The following PSMC4 variants were observed in gnomAD, a reference collection of about 807,000 sequenced individuals.
The protein encoded by PSMC4 is proteasome 26S subunit, ATPase 4.
PSMC4 carries 13 observed loss-of-function variants against 48.4 expected under a neutral mutation model. That is an observed-to-expected ratio of 0.27 (90% CI 0.18 to 0.43). The LOEUF (loss-of-function observed/expected upper bound fraction) is 0.43. Ranked by LOEUF, PSMC4 falls within the 20% of genes least tolerant of loss-of-function variation. The probability of loss-of-function intolerance (pLI) is 1.00; values close to 1 mark genes in which losing one functional copy is unlikely to be tolerated. For missense variants in PSMC4, 262 were observed against 555.9 expected (o/e 0.47, Z 5.32); for synonymous variants, 202 against 212.3 (o/e 0.95, Z 0.42).
In PSMC4 at chr19:39,980,752, GGT is replaced by G; in HGVS notation, c.1143+41_1143+42del. On this transcript the variant is annotated intron_variant, in intron 10 of 10. Coordinates refer to ENST00000157812, the MANE Select transcript of PSMC4 (RefSeq NM_006503.4). The surrounding 1 kb of genome is among the most constrained non-coding windows in gnomAD (Gnocchi z 4.8). ...GGTTTCTCTCTGGATCCAGGCAGCG[GGT>G]GTGTGAGGACCCTTCTTCTCTGAAC... 1 of 1,600,852 alleles carries G rather than the reference GGT, an allele frequency of 6.2e-7. No homozygotes were observed. The highest frequency in any genetic ancestry group is 8.6e-7 in the Non-Finnish European group (1 of 1,168,098).
At position 39,980,601 on chromosome 19, in the gene PSMC4, G is replaced by A; in HGVS notation, c.1088-61G>A. On this transcript the variant is annotated intron_variant, in intron 9 of 10. Transcript: ENST00000157812. This position sits in a 1 kb window ranked among gnomAD's most constrained non-coding sequence, Gnocchi z 4.8. ...GGAGGTGACAGAGATGGCCAAAGAT[G>A]ACTTCCAGCCCCAGGCATTTACCCC... 1 of 1,599,850 alleles carries A rather than the reference G, an allele frequency of 6.3e-7. No homozygotes were observed. Among genetic ancestry groups the A allele is most frequent in the South Asian group, 1.1e-5 (1 of 90,756 alleles).
At position 39,980,585 on chromosome 19, in the gene PSMC4, A is replaced by C. The variant is rs1971273194; in HGVS notation, c.1088-77A>C. ...AGGTCCAGGGAGGAGGGGAGGTGAC[A>C]GAGATGGCCAAAGATGACTTCCAGC... On this transcript the variant is annotated intron_variant, in intron 9 of 10. Transcript: ENST00000157812. The surrounding 1 kb of genome is among the most constrained non-coding windows in gnomAD (Gnocchi z 4.8). The C allele has an allele frequency of 1.6e-5, 26 of 1,588,844 alleles. No individual in the cohort carries two copies. In the South Asian group the frequency reaches 2.5e-4, roughly 16 times the overall value.
At chr19:39,972,606 C>T (rs1362027908) in intron 3 of PSMC4, 51 bp downstream of exon 3, 1 of 1,522,882 alleles carries the variant, frequency 6.6e-7, no homozygotes, top group East Asian at 2.3e-5. Flanking sequence ...CAACTATTTC[C>T]TACCATGTGC....
chr19:39,974,173 CGA>C lies in PSMC4; in HGVS notation c.323-117_323-116del. Reference sequence around the variant, plus strand: ...GACAGCAGGAGGGAAGGCTGGAGGCCGAGAGGGGACCCCTCAGGGTCTGAACC... The same window carrying C: ...GACAGCAGGAGGGAAGGCTGGAGGCCGAGGGGACCCCTCAGGGTCTGAACC... On this transcript the variant is annotated intron_variant, in intron 3 of 10. Coordinates refer to ENST00000157812, the MANE Select transcript of PSMC4 (RefSeq NM_006503.4). The surrounding 1 kb of genome is among the most constrained non-coding windows in gnomAD (Gnocchi z 5.5). 1 of 1,288,294 alleles carries C rather than the reference CGA, an allele frequency of 7.8e-7. No individual in the cohort carries two copies. The highest frequency in any genetic ancestry group is 1.5e-5 in the African/African-American group (1 of 67,502). The allele number at this position is 1,288,294 out of a possible 1,614,324, so 79.8% of individuals were successfully genotyped here.
chr19:39,971,274 G>A (rs1420405326), intron 1 of PSMC4, 36 bp downstream of exon 1: 1 of 1,613,826 alleles, frequency 6.2e-7, no homozygotes, highest in Non-Finnish European at 8.5e-7. Flanking sequence ...GTCCGGGCCG[G>A]GCTCGCGGGG....
intron 10 of PSMC4, 68 bp from the exon 11 acceptor site, chr19:39,981,124 C>T (rs1032669368): frequency 4.1e-6 from 5 of 1,215,112 alleles, no homozygotes; most frequent in East Asian, 2.3e-5. Flanking sequence ...CCCAAAGTGT[C>T]GGGATTACAG....
In PSMC4 at chr19:39,980,794, CCT is replaced by C. The variant is rs537338646; in HGVS notation, c.1143+78_1143+79del. ...CTTCTCTGAACCACTCTGCTGCAGT[CCT>C]GTCCCCTCATGGCTGCCCTGGGTCG... On this transcript the variant is annotated intron_variant, in intron 10 of 10. Coordinates refer to ENST00000157812, the MANE Select transcript of PSMC4 (RefSeq NM_006503.4). This position sits in a 1 kb window ranked among gnomAD's most constrained non-coding sequence, Gnocchi z 4.8. 2.5e-4 allele frequency: 369 copies of C among 1,448,828 alleles called. 4 individuals are homozygous for C. The South Asian group carries it at 3.7e-3, about 14-fold the overall frequency. 89.7% of individuals were successfully genotyped at this position (1,448,828 alleles called of 1,614,324 possible).
intron 1 of PSMC4, among the ~76,000 whole-genome samples, chr19:39,971,720 A>G (rs1042635551): frequency 6.6e-6 from 1 of 152,162 alleles, no homozygotes; most frequent in African/African-American, 2.4e-5. Flanking sequence ...AGACTGTGAC[A>G]TAAGGGATCT....
At position 39,974,546 on chromosome 19, in the gene PSMC4, C is replaced by T. The variant is rs1332361121; in HGVS notation, c.492C>T (p.Tyr164=). ...CAGACCAGAAGCCAGATGTGATGTACGCGGACATCGGAGGCATGGACATCC... is the reference window on the plus strand; with the variant it reads ...CAGACCAGAAGCCAGATGTGATGTATGCGGACATCGGAGGCATGGACATCC... ...LTSDQKPDVM[Y]ADIGGMDIQK... The change falls in exon 5 of 11, where the codon TAC becomes TAT. Residue 164 remains tyrosine (Y), a synonymous_variant. Transcript: ENST00000157812. This position sits in a 1 kb window ranked among gnomAD's most constrained non-coding sequence, Gnocchi z 5.5. The T allele has an allele frequency of 1.9e-5, 30 of 1,614,118 alleles. No homozygotes were observed. The highest frequency in any genetic ancestry group is 1.6e-4 in the Middle Eastern group (1 of 6,062).
At chr19:39,971,329 G>T in intron 1 of PSMC4, 91 bp downstream of exon 1, 1 of 1,515,180 alleles carries the variant, frequency 6.6e-7, no homozygotes, top group Non-Finnish European at 9.1e-7. Context: ...TGGCTTCCAG[G>T]ACCCCGGCCC....
At chr19:39,976,634 G>A (rs892848919) in intron 6 of PSMC4, among the ~76,000 whole-genome samples, 6 of 148,742 alleles carry the variant, frequency 4.0e-5, no homozygotes, top group African/African-American at 1.2e-4. Flanking sequence ...TCAGCCTCCT[G>A]AGTAGCTGAG....
At position 39,974,003 on chromosome 19, in the gene PSMC4, G is replaced by A. The variant is rs1333162758; in HGVS notation, c.323-291G>A. ...AGGAGGCTGCTGGTCAGCCAGGTCT[G>A]ACAATCAGGAGAGAGACTGAGCCTG... is the stretch of plus-strand genomic sequence containing the variant. On this transcript the variant is annotated intron_variant, in intron 3 of 10. Coordinates refer to ENST00000157812, the MANE Select transcript of PSMC4 (RefSeq NM_006503.4). The surrounding 1 kb of genome is among the most constrained non-coding windows in gnomAD (Gnocchi z 5.5). Among the ~76,000 whole-genome samples, 1 of 152,178 alleles carries A rather than the reference G, an allele frequency of 6.6e-6. No individual in the cohort carries two copies. Among genetic ancestry groups the A allele is most frequent in the Non-Finnish European group, 1.5e-5 (1 of 68,040 alleles).
At chr19:39,977,767 A>G (rs1305444880) in intron 6 of PSMC4, among the ~76,000 whole-genome samples, 1 of 151,792 alleles carries the variant, frequency 6.6e-6, no homozygotes, top group African/African-American at 2.4e-5. Flanking sequence ...GGTTGCAGTG[A>G]GCGAAGATCG....
At position 39,981,246 on chromosome 19, in the gene PSMC4, G is replaced by C. The variant is rs1415964920; in HGVS notation, c.1198G>C (p.Glu400Gln). The stretch of plus-strand genomic sequence containing the variant: ...CTACATTGTCCTGGCCAAGGACTTC[G>C]AGAAAGCATACAAGACTGTCATCAA... ...NRYIVLAKDF[E>Q]KAYKTVIKKD... is the part of the protein sequence containing the mutation. The change falls in exon 11 of 11, where the codon GAG (glutamate) becomes CAG (glutamine). Residue 400 changes from glutamate to glutamine, a missense_variant. Around this residue, in one of 4 missense-constraint regions of PSMC4, gnomAD observed 84 missense variants for 157.8 expected, o/e 0.53. Transcript: ENST00000157812. The C allele has an allele frequency of 6.2e-7, 1 of 1,613,962 alleles. No homozygotes were observed. The highest frequency in any genetic ancestry group is 8.5e-7 in the Non-Finnish European group (1 of 1,180,018).
At chr19:39,978,614 C>T (rs888402615) in intron 6 of PSMC4, among the ~76,000 whole-genome samples, 2 of 152,112 alleles carry the variant, frequency 1.3e-5, no homozygotes, top group South Asian at 4.1e-4. Flanking sequence ...CTCAGTCTAT[C>T]TATGGACTGC....
chr19:39,977,133 G>A (rs1465032864), intron 6 of PSMC4, among the ~76,000 whole-genome samples: 2 of 151,922 alleles, frequency 1.3e-5, no homozygotes, highest in East Asian at 1.9e-4. Flanking sequence ...GATTACAGGC[G>A]TGAGCCACTG....
intron 6 of PSMC4, among the ~76,000 whole-genome samples, chr19:39,977,314 A>T (rs538590267): frequency 1.7e-4 from 26 of 152,302 alleles, no homozygotes; most frequent in Middle Eastern, 6.8e-3. Context: ...CAGGAAATTA[A>T]CAGTGGTACA....
rs1971286418 is a variant in PSMC4, at chr19:39,981,480, G to A, written c.*175G>A. The A allele has an allele frequency of 3.6e-6, 2 of 559,998 alleles. No homozygotes were observed. The highest frequency in any genetic ancestry group is 4.7e-4 in the Middle Eastern group (1 of 2,132). 34.7% of individuals were successfully genotyped at this position (559,998 alleles called of 1,614,324 possible). On this transcript the variant is annotated 3_prime_UTR_variant, in exon 11 of 11. Transcript: ENST00000157812. ...TAGAAGTTTAACTCCTTTGGAGAAT[G>A]TGGGCCTTGAATAGGATCCTCTGGG...
chr19:39,979,751 C>T, intron 6 of PSMC4, 66 bp from the exon 7 acceptor site: 1 of 1,464,406 alleles, frequency 6.8e-7, no homozygotes, highest in Non-Finnish European at 9.1e-7. Context: ...TTCGCAGTTT[C>T]TGTTAAAGCA....
Sources: allele counts gnomAD v4.1 joint callset (sites outside exome capture counted in the v4.1 genomes callset), GRCh38; gene constraint gnomAD v4.1.1; regional missense constraint gnomAD v4.1.1; non-coding constraint Gnocchi (gnomAD v3.1); transcripts MANE v1.5; gene names NCBI Gene and HGNC (gene_info 2026-07-23, HGNC 2026-07-21).